The following ZBTB46 variants were observed in gnomAD, a reference collection of about 807,000 sequenced individuals.
The protein encoded by ZBTB46 is zinc finger and BTB domain-containing protein 46.
Under a neutral mutation model 44.1 loss-of-function variants are expected in ZBTB46, and 8 were observed. The observed-to-expected ratio is 0.18, with a 90% CI of 0.11 to 0.33. The LOEUF is 0.33. Among genes scored for constraint, ZBTB46 ranks in the 10% least tolerant of loss-of-function variants. ZBTB46 has a pLI of 1.00. For missense variants in ZBTB46, 651 were observed against 847.7 expected (o/e 0.77, Z 2.88); for synonymous variants, 409 against 382.3 (o/e 1.07, Z -0.81).
chr20:63,815,769 G>T (rs1471535168), intron 1 of ZBTB46, among the ~76,000 whole-genome samples: 1 of 146,552 alleles, frequency 6.8e-6, no homozygotes, highest in African/African-American at 2.5e-5. Flanking sequence ...GGTACAGGTG[G>T]GCACAAGTGC....
intron 3 of ZBTB46, among the ~76,000 whole-genome samples, chr20:63,774,665 C>G (rs917270163): frequency 3.0e-4 from 36 of 118,420 alleles, no homozygotes; most frequent in African/African-American, 8.2e-4. Context: ...CAGAAGGCAG[C>G]TGGCTGGGGG....
chr20:63,751,108 G>C (rs1356790680), intron 4 of ZBTB46, among the ~76,000 whole-genome samples: 1 of 152,124 alleles, frequency 6.6e-6, no homozygotes, highest in Admixed American at 6.5e-5. Flanking sequence ...GAAACATGTC[G>C]GCCTGGTGCA....
intron 2 of ZBTB46, among the ~76,000 whole-genome samples, chr20:63,784,048 G>C (rs1211795160): frequency 1.3e-5 from 2 of 152,218 alleles, no homozygotes; most frequent in Non-Finnish European, 2.9e-5. Context: ...GCCCTCGTGT[G>C]ATCAGGACGG....
At chr20:63,758,317 C>T (rs1213610186) in intron 3 of ZBTB46, among the ~76,000 whole-genome samples, 1 of 151,594 alleles carries the variant, frequency 6.6e-6, no homozygotes, top group Non-Finnish European at 1.5e-5. Flanking sequence ...CCAGAGCCTG[C>T]TGAAATTATT....
intron 1 of ZBTB46, among the ~76,000 whole-genome samples, chr20:63,796,051 CTG>C (rs755470395): frequency 3.3e-5 from 5 of 152,222 alleles, no homozygotes; most frequent in Admixed American, 6.5e-5. Context: ...GGATAGATGC[CTG>C]TGTCGCAGGA....
intron 3 of ZBTB46, among the ~76,000 whole-genome samples, chr20:63,754,465 T>A (rs187171168): frequency 6.6e-6 from 1 of 152,060 alleles, no homozygotes; most frequent in African/African-American, 2.4e-5. Context: ...GCATTTTTTT[T>A]CTCTTTTTTT....
chr20:63,833,337 A>G (rs560000541), upstream of ZBTB46, among the ~76,000 whole-genome samples: 4 of 152,322 alleles, frequency 2.6e-5, no homozygotes, highest in South Asian at 6.2e-4. Flanking sequence ...CACGCCTGTA[A>G]TCCCAGCACT....
chr20:63,815,314 A>C, intron 1 of ZBTB46: 1 of 273,392 alleles, frequency 3.7e-6, no homozygotes, highest in Non-Finnish European at 6.9e-6. Context: ...CAGTGGGTGC[A>C]GATGGGCACA....
chr20:63,747,028 C>T lies in ZBTB46; in HGVS notation c.1672G>A (p.Glu558Lys). The T allele has an allele frequency of 6.2e-7, 1 of 1,608,254 alleles. No individual in the cohort carries two copies. The highest frequency in any genetic ancestry group is 8.5e-7 in the Non-Finnish European group (1 of 1,179,436). ...LGEDDEGLAP[E>K]DALLADDKDE... is the part of the protein sequence containing the mutation. ...TTGTCGTCCGCCAACAGCGCATCCT[C>T]AGGGGCCAGGCCCTCGTCGTCCTCG... The change falls in exon 5 of 5, where the codon GAG becomes AAG. Residue 558 changes from glutamate (E) to lysine (K), a missense_variant. Transcript: ENST00000245663.
intron 1 of ZBTB46, among the ~76,000 whole-genome samples, chr20:63,830,517 A>AC (rs996108980): frequency 1.4e-5 from 2 of 145,660 alleles, no homozygotes; most frequent in African/African-American, 5.1e-5. Flanking sequence ...GGAGACAATG[A>AC]CCCCCCGGCC....
At chr20:63,792,264 T>C (rs946175087) in intron 1 of ZBTB46, among the ~76,000 whole-genome samples, 1 of 152,060 alleles carries the variant, frequency 6.6e-6, no homozygotes, top group Non-Finnish European at 1.5e-5. Context: ...AAAGAAACAG[T>C]GGTTGGGTCT....
chr20:63,753,374 G>C (rs186371718), intron 3 of ZBTB46, among the ~76,000 whole-genome samples: 2 of 152,354 alleles, frequency 1.3e-5, no homozygotes, highest in East Asian at 3.9e-4. Context: ...GGCTCTTCTT[G>C]CTGGACGCCG....
At chr20:63,779,427 T>C (rs1030316267) in intron 2 of ZBTB46, among the ~76,000 whole-genome samples, 1 of 62,440 alleles carries the variant, frequency 1.6e-5, no homozygotes, top group Non-Finnish European at 3.7e-5. Flanking sequence ...TTTTTTTTTT[T>C]TTTTTTTTTT....
rs144497471 is a variant in ZBTB46, at chr20:63,787,718, G to A, written c.937+2103C>T. Reference sequence around the variant, plus strand: ...GAACCTATCCCTGTCATCAAGCAACGCGTGACTTTAATGCCAGTGAAATGT... The same window carrying A: ...GAACCTATCCCTGTCATCAAGCAACACGTGACTTTAATGCCAGTGAAATGT... On this transcript the variant is annotated intron_variant, in intron 2 of 4. Coordinates refer to ENST00000245663, the MANE Select transcript of ZBTB46 (RefSeq NM_001369741.1). The surrounding 1 kb of genome is among the most constrained non-coding windows in gnomAD (Gnocchi z 4.6). 1.1e-4 allele frequency: 16 copies of A among 152,332 alleles called. No homozygotes were observed. In the East Asian group the frequency reaches 2.9e-3, roughly 28 times the overall value. The allele number at this position is 152,332 out of a possible 1,614,324, so 9.4% of individuals were successfully genotyped here.
intron 4 of ZBTB46, among the ~76,000 whole-genome samples, chr20:63,747,956 G>A (rs894471277): frequency 6.6e-6 from 1 of 152,348 alleles, no homozygotes; most frequent in East Asian, 1.9e-4. Context: ...GGAGCTCACA[G>A]AGCTCTTCCT....
intron 4 of ZBTB46, among the ~76,000 whole-genome samples, chr20:63,749,372 T>A (rs1216752603): frequency 6.6e-6 from 1 of 152,216 alleles, no homozygotes; most frequent in East Asian, 1.9e-4. Context: ...AGTCTCGCTC[T>A]GTCACCCAGG....
intron 2 of ZBTB46, 65 bp from the exon 3 acceptor site, chr20:63,776,027 C>T: frequency 2.7e-6 from 4 of 1,484,400 alleles, no homozygotes; most frequent in South Asian, 1.4e-5. Flanking sequence ...GTGGGACAGG[C>T]GACACATTTA....
At chr20:63,764,390 C>T (rs1000475989) in intron 3 of ZBTB46, among the ~76,000 whole-genome samples, 1 of 151,598 alleles carries the variant, frequency 6.6e-6, no homozygotes, top group African/African-American at 2.4e-5. Flanking sequence ...GAGCAGAGAT[C>T]GCACCATTGC....
At chr20:63,760,678 G>A (rs547748762) in intron 3 of ZBTB46, among the ~76,000 whole-genome samples, 48 of 152,136 alleles carry the variant, frequency 3.2e-4, no homozygotes, top group African/African-American at 1.1e-3. Flanking sequence ...GGATGGTCTC[G>A]GATCTCCTGA....
Sources: allele counts gnomAD v4.1 joint callset (sites outside exome capture counted in the v4.1 genomes callset), GRCh38; gene constraint gnomAD v4.1.1; non-coding constraint Gnocchi (gnomAD v3.1); transcripts MANE v1.5; gene names NCBI Gene and HGNC (gene_info 2026-07-23, HGNC 2026-07-21).